AGBL1: variants seen among roughly 807,000 people sequenced by gnomAD.
AGBL1 encodes cytosolic carboxypeptidase 4.
In AGBL1, 130 loss-of-function variants were observed where a neutral mutation model predicts 118.9. The observed-to-expected ratio is 1.09, with a 90% CI of 0.95 to 1.26. AGBL1 has a LOEUF of 1.26. Among genes scored for constraint, AGBL1 ranks in the 50% most tolerant of loss-of-function variants. The pLI is 0.00. For missense variants in AGBL1, 1,584 were observed against 1,298.1 expected, an observed-to-expected ratio of 1.22 and a Z score of -3.38; for synonymous variants, 555 against 478.9, an observed-to-expected ratio of 1.16 and a Z score of -2.08.
chr15:86,248,728 C>A (rs759572770), intron 7 of AGBL1, among the ~76,000 whole-genome samples: 1 of 152,082 alleles, frequency 6.6e-6, no homozygotes, highest in Non-Finnish European at 1.5e-5. Flanking sequence ...ATAGGGAAAA[C>A]CTCCTAGCAG....
At chr15:86,764,537 G>A (rs535594730) in intron 22 of AGBL1, among the ~76,000 whole-genome samples, 1 of 152,028 alleles carries the variant, frequency 6.6e-6, no homozygotes, top group Non-Finnish European at 1.5e-5. Flanking sequence ...TATAAGATGG[G>A]CACATGGGTG....
At chr15:86,268,215 G>A (rs548560052) in intron 13 of AGBL1, among the ~76,000 whole-genome samples, 10 of 151,806 alleles carry the variant, frequency 6.6e-5, no homozygotes, top group Admixed American at 1.3e-4. Flanking sequence ...GGTGAAGGGT[G>A]ATTTTTTTTT....
At chr15:86,958,673 A>G (rs1009708418) in intron 23 of AGBL1, among the ~76,000 whole-genome samples, 1 of 152,178 alleles carries the variant, frequency 6.6e-6, no homozygotes, top group Admixed American at 6.5e-5. Flanking sequence ...ATAATTTTTT[A>G]TCAGCACTTT....
intron 20 of AGBL1, among the ~76,000 whole-genome samples, chr15:86,547,427 A>C (rs1360846190): frequency 6.6e-6 from 1 of 152,160 alleles, no homozygotes; most frequent in Non-Finnish European, 1.5e-5. Context: ...AAGGTATAAG[A>C]CACAGAACCT....
downstream of AGBL1, among the ~76,000 whole-genome samples, chr15:86,919,681 G>C (rs183224671): frequency 1.4e-3 from 217 of 152,110 alleles, 2 homozygotes; most frequent in Middle Eastern, 0.01. Context: ...ACACTAATTT[G>C]GTGCCTGTTG....
intron 22 of AGBL1, among the ~76,000 whole-genome samples, chr15:86,775,260 C>T (rs750005277): frequency 3.3e-4 from 50 of 152,076 alleles, no homozygotes; most frequent in Non-Finnish European, 5.3e-4. Context: ...AGGCAGATAG[C>T]AGGGTTGGGA....
In AGBL1 at chr15:86,188,512, C is replaced by T. The variant is rs577767605; in HGVS notation, c.488+29486C>T. On this transcript the variant is annotated intron_variant, in intron 5 of 22. Coordinates refer to ENST00000614907, the MANE Select transcript of AGBL1 (RefSeq NM_001386094.1). ...AATATAGATTTTAACAAATTCTATT[C>T]AGGCTATAAACTTTCTGCTAAAGGA... is the stretch of plus-strand genomic sequence containing the variant. Among the ~76,000 whole-genome samples the T allele has an allele frequency of 2.2e-4, 33 of 152,278 alleles. 1 individual carries two copies. In the South Asian group the frequency reaches 6.8e-3, roughly 32 times the overall value.
At chr15:86,572,300 C>T (rs2084021138) in intron 21 of AGBL1, among the ~76,000 whole-genome samples, 1 of 152,174 alleles carries the variant, frequency 6.6e-6, no homozygotes, top group Admixed American at 6.5e-5. Context: ...TCAGAAGGGG[C>T]GAGGCTCTCA....
At position 86,881,290 on chromosome 15, in the gene AGBL1, C is replaced by T. The variant is rs79032035; in HGVS notation, c.3159-25797C>T. 6.8e-4 allele frequency among the ~76,000 whole-genome samples: 104 copies of T among 152,252 alleles called. 1 individual carries two copies. In the South Asian group the frequency reaches 0.02, roughly 30 times the overall value. ...TTTCTTTTTTCAAAATTCTTGACAT[C>T]GGAAGAAACCTCGTGGAATGCTCTC... On this transcript the variant is annotated intron_variant, in intron 22 of 22. Transcript: ENST00000614907.
intron 21 of AGBL1, among the ~76,000 whole-genome samples, chr15:86,663,232 G>T (rs1047852163): frequency 1.3e-5 from 2 of 152,154 alleles, no homozygotes; most frequent in African/African-American, 2.4e-5. Context: ...GAAACCCAAG[G>T]GTTAAAGCCA....
intron 21 of AGBL1, among the ~76,000 whole-genome samples, chr15:86,667,246 G>GTATCTATCTATCTATCTATCTATCTATC (rs1414744675): frequency 8.8e-6 from 1 of 113,892 alleles, no homozygotes; most frequent in Admixed American, 9.3e-5. Context: ...ATGTATGTAT[G>GTATCTATCTATCTATCTATCTATCTATC]TATGTATGTA....
chr15:86,179,940 A>G (rs2077530087), intron 5 of AGBL1, among the ~76,000 whole-genome samples: 1 of 152,180 alleles, frequency 6.6e-6, no homozygotes, highest in African/African-American at 2.4e-5. Context: ...TTTTAATAAT[A>G]TAGTTTACAA....
At chr15:86,323,100 A>T (rs1417868839) in intron 17 of AGBL1, among the ~76,000 whole-genome samples, 3 of 152,002 alleles carry the variant, frequency 2.0e-5, no homozygotes, top group Admixed American at 6.6e-5. Context: ...TTATTCCCCA[A>T]ATTTTTGGTT....
chr15:86,575,158 C>T (rs963730989), intron 21 of AGBL1, among the ~76,000 whole-genome samples: 5 of 151,880 alleles, frequency 3.3e-5, no homozygotes, highest in African/African-American at 1.2e-4. Context: ...CACTGCACTC[C>T]TGCCTGGGTG....
At chr15:86,159,665 G>T (rs972025865) in intron 5 of AGBL1, among the ~76,000 whole-genome samples, 1 of 151,984 alleles carries the variant, frequency 6.6e-6, no homozygotes, top group East Asian at 1.9e-4. Context: ...AGATATTCGG[G>T]ACTATTAAGA....
At chr15:86,212,621 T>C (rs2078117912) in intron 5 of AGBL1, among the ~76,000 whole-genome samples, 1 of 152,220 alleles carries the variant, frequency 6.6e-6, no homozygotes, top group Non-Finnish European at 1.5e-5. Flanking sequence ...CTAAATCCCA[T>C]CCTTTAAAGA....
intron 23 of AGBL1, among the ~76,000 whole-genome samples, chr15:86,962,202 A>G (rs938473762): frequency 6.6e-6 from 1 of 150,914 alleles, no homozygotes; most frequent in African/African-American, 2.4e-5. Flanking sequence ...TGTAGACACA[A>G]AAGTGTTAAA....
chr15:86,288,239 T>G (rs2079485552), intron 16 of AGBL1, among the ~76,000 whole-genome samples: 1 of 152,154 alleles, frequency 6.6e-6, no homozygotes, highest in South Asian at 2.1e-4. Flanking sequence ...TTGTTTATGA[T>G]CACAGAGACT....
At chr15:86,239,508 C>T (rs1182891030) in intron 6 of AGBL1, among the ~76,000 whole-genome samples, 1 of 152,136 alleles carries the variant, frequency 6.6e-6, no homozygotes, top group African/African-American at 2.4e-5. Context: ...CAGTTGATTC[C>T]ACCTCTCTTC....
Sources: gnomAD v4.1 joint callset for allele counts (sites outside exome capture counted in the v4.1 genomes callset) on GRCh38, gnomAD v4.1.1 for gene constraint, MANE v1.5 for transcripts, NCBI Gene and HGNC (gene_info 2026-07-23, HGNC 2026-07-21) for gene names.